RBM33: variants seen among roughly 807,000 people sequenced by gnomAD.
The protein encoded by RBM33 is RNA binding motif protein 33.
Under a neutral mutation model 132.6 loss-of-function variants are expected in RBM33, and 28 were observed. The ratio of observed to expected loss-of-function variants is 0.21; its 90% CI spans 0.16 to 0.29. The LOEUF is 0.29. RBM33 is among the 10% of genes least tolerant of loss of function. The pLI is 1.00. For missense variants in RBM33, 1,291 were observed against 1,518.5 expected (o/e 0.85, Z 2.49); for synonymous variants, 634 against 593.0 (o/e 1.07, Z -1.01).
chr7:155,684,352 C>T (rs1268078044), intron 5 of RBM33, among the ~76,000 whole-genome samples: 3 of 152,156 alleles, frequency 2.0e-5, no homozygotes, highest in African/African-American at 2.4e-5. Flanking sequence ...TCTGCAGTTG[C>T]GGTCGTCTCC....
In RBM33 at chr7:155,774,338, CTG is replaced by C. The variant is rs1168321311; in HGVS notation, c.3376-219_3376-218del. ...TTAACACTAGGCTTGGAAGATGTAA[CTG>C]TTGCTGTTGGGAATGATTTAGTAAA... On this transcript the variant is annotated intron_variant, in intron 16 of 17. Coordinates refer to ENST00000401878, the MANE Select transcript of RBM33 (RefSeq NM_053043.3). The surrounding 1 kb of genome is among the most constrained non-coding windows in gnomAD (Gnocchi z 4.2). Among the ~76,000 whole-genome samples, 1 of 152,172 alleles carries C rather than the reference CTG, an allele frequency of 6.6e-6. No individual in the cohort carries two copies. Among genetic ancestry groups the C allele is most frequent in the African/African-American group, 2.4e-5 (1 of 41,436 alleles).
At position 155,758,577 on chromosome 7, in the gene RBM33, G is replaced by C. The variant is rs1044290645; in HGVS notation, c.2980-5235G>C. Among the ~76,000 whole-genome samples the C allele has an allele frequency of 5.9e-5, 9 of 152,224 alleles. No homozygotes were observed. The East Asian group carries it at 1.7e-3, about 29-fold the overall frequency. ...CTGCTCACCTCCTGCGGTGCATGCA[G>C]CTCAGTTCCTAACAGGCCACAGACT... On this transcript the variant is annotated intron_variant, in intron 14 of 17. Coordinates refer to ENST00000401878, the MANE Select transcript of RBM33 (RefSeq NM_053043.3).
intron 1 of RBM33, among the ~76,000 whole-genome samples, chr7:155,648,008 A>G (rs1287277475): frequency 2.0e-5 from 3 of 152,228 alleles, no homozygotes; most frequent in Admixed American, 6.5e-5. Flanking sequence ...CTTAAGATTT[A>G]CAACAGCATT....
rs1007151512 is a variant in RBM33, at chr7:155,742,070, G to A, written c.2301G>A (p.Val767=). ...TGAAAGTCAAGCCAGCTAGCCCTGTGGCTCAACCTAAAGAAGAGGCAAAAA... is the reference window on the plus strand; with the variant it reads ...TGAAAGTCAAGCCAGCTAGCCCTGTAGCTCAACCTAAAGAAGAGGCAAAAA... ...TEVKVKPASP[V]AQPKEEAKTE... is the part of the protein sequence containing the mutation. The change falls in exon 13 of 18, where the codon GTG becomes GTA. Residue 767 remains valine (V), a synonymous_variant. Transcript: ENST00000401878. The A allele has an allele frequency of 6.2e-7, 1 of 1,613,898 alleles. No homozygotes were observed. Among genetic ancestry groups the A allele is most frequent in the African/African-American group, 1.3e-5 (1 of 75,046 alleles).
chr7:155,725,611 G>T (rs931068765), intron 9 of RBM33, among the ~76,000 whole-genome samples: 9 of 152,186 alleles, frequency 5.9e-5, no homozygotes, highest in African/African-American at 1.9e-4. Context: ...TCATTAGGAG[G>T]AGTTGTTTCA....
intron 14 of RBM33, among the ~76,000 whole-genome samples, chr7:155,749,216 A>G (rs545702964): frequency 6.6e-6 from 1 of 152,342 alleles, no homozygotes; most frequent in South Asian, 2.1e-4. Flanking sequence ...AAGGCATTTC[A>G]TAACTTCCCA....
intron 13 of RBM33, 74 bp from the exon 14 acceptor site, chr7:155,744,887 T>G (rs1413764623): frequency 7.3e-7 from 1 of 1,376,690 alleles, no homozygotes. Context: ...AAATGTGTTC[T>G]TGTAATTTGT....
chr7:155,702,297 A>G (rs1799988583), intron 6 of RBM33, among the ~76,000 whole-genome samples: 1 of 152,218 alleles, frequency 6.6e-6, no homozygotes, highest in East Asian at 1.9e-4. Context: ...GTAGTCAACC[A>G]ATATTATCTT....
At chr7:155,699,220 T>C (rs1410786459) in intron 5 of RBM33, among the ~76,000 whole-genome samples, 1 of 152,202 alleles carries the variant, frequency 6.6e-6, no homozygotes, top group African/African-American at 2.4e-5. Flanking sequence ...TTTCTTTTCC[T>C]CCCTTTTGGA....
At chr7:155,712,289 C>T (rs1192503253) in intron 8 of RBM33, among the ~76,000 whole-genome samples, 1 of 152,166 alleles carries the variant, frequency 6.6e-6, no homozygotes, top group Non-Finnish European at 1.5e-5. Flanking sequence ...AAACATGTTC[C>T]TTAAGCTAGG....
At position 155,756,720 on chromosome 7, in the gene RBM33, G is replaced by A. The variant is rs1801863324; in HGVS notation, c.2980-7092G>A. Among the ~76,000 whole-genome samples, 3 of 152,314 alleles carry A rather than the reference G, an allele frequency of 2.0e-5. No homozygotes were observed. In the South Asian group the frequency reaches 6.2e-4, roughly 32 times the overall value. ...GAATGTCACTGTGTGCCGCCCGTGA[G>A]TTGGAGTGAATGGTAAAACCCCAGG... is the stretch of plus-strand genomic sequence containing the variant. On this transcript the variant is annotated intron_variant, in intron 14 of 17. Coordinates refer to ENST00000401878, the MANE Select transcript of RBM33 (RefSeq NM_053043.3).
chr7:155,656,963 G>A (rs1798509144), intron 1 of RBM33, among the ~76,000 whole-genome samples: 1 of 141,106 alleles, frequency 7.1e-6, no homozygotes, highest in Non-Finnish European at 1.6e-5. Context: ...CAGGGTGAAG[G>A]TTTTTTTTTT....
At chr7:155,666,033 CAGT>C (rs1798791511) in intron 2 of RBM33, among the ~76,000 whole-genome samples, 1 of 152,214 alleles carries the variant, frequency 6.6e-6, no homozygotes, top group Admixed American at 6.5e-5. Context: ...GAGGCCCTTA[CAGT>C]TCACATAAAG....
chr7:155,670,210 C>T (rs1342352020), intron 2 of RBM33, among the ~76,000 whole-genome samples: 1 of 152,186 alleles, frequency 6.6e-6, no homozygotes, highest in Non-Finnish European at 1.5e-5. Flanking sequence ...AAAGATTGTT[C>T]GTACTCAAGT....
intron 7 of RBM33, among the ~76,000 whole-genome samples, chr7:155,708,616 A>G (rs1322780095): frequency 6.6e-6 from 1 of 152,212 alleles, no homozygotes; most frequent in Non-Finnish European, 1.5e-5. Context: ...CTCAATCCTG[A>G]TGGTGACGTT....
In RBM33 at chr7:155,644,903, A is replaced by G. The variant is rs1281930275; in HGVS notation, c.27A>G (p.Gly9=). MAAALGAS[G]GAGAGDDDFD... ...TGGCGGCCGCCCTGGGAGCGAGCGG[A>G]GGAGCAGGCGCCGGAGGTACGTGAG... The change falls in exon 1 of 18, where the codon GGA becomes GGG. Residue 9 remains glycine (G), a synonymous_variant. Transcript: ENST00000401878. 6.7e-7 allele frequency: 1 copy of G among 1,500,544 alleles called. No homozygotes were observed. Among genetic ancestry groups the G allele is most frequent in the Admixed American group, 2.1e-5 (1 of 47,256 alleles). The allele number at this position is 1,500,544 out of a possible 1,614,324, so 93.0% of individuals were successfully genotyped here. A position where few individuals can be genotyped will look rare whatever the true frequency, so the allele number is the denominator to read the frequency against.
chr7:155,647,596 A>T (rs562855001), intron 1 of RBM33, among the ~76,000 whole-genome samples: 1 of 152,216 alleles, frequency 6.6e-6, no homozygotes, highest in African/African-American at 2.4e-5. Flanking sequence ...ACGCCTGGCT[A>T]ATTTTTGTAT....
At chr7:155,746,470 T>A (rs1030325869) in intron 14 of RBM33, 2 of 152,368 alleles carry the variant, frequency 1.3e-5, no homozygotes, top group Admixed American at 1.3e-4. Flanking sequence ...TCTCTTGCTT[T>A]TCATCATTGT....
chr7:155,722,564 T>TA (rs1211405499), intron 9 of RBM33, among the ~76,000 whole-genome samples: 4 of 152,250 alleles, frequency 2.6e-5, no homozygotes, highest in Admixed American at 1.3e-4. Context: ...TATAAAGCTG[T>TA]AAGTCCTTAT....
Sources: allele counts gnomAD v4.1 joint callset (sites outside exome capture counted in the v4.1 genomes callset), GRCh38; gene constraint gnomAD v4.1.1; non-coding constraint Gnocchi (gnomAD v3.1); transcripts MANE v1.5; gene names NCBI Gene and HGNC (gene_info 2026-07-23, HGNC 2026-07-21).